The following PTPRH variants were observed in gnomAD, a reference collection of about 807,000 sequenced individuals.
The protein encoded by PTPRH is protein tyrosine phosphatase receptor type H.
A neutral mutation model predicts 130.2 loss-of-function variants in PTPRH; 113 were observed. The observed-to-expected ratio is 0.87, with a 90% CI of 0.75 to 1.01. The LOEUF (loss-of-function observed/expected upper bound fraction) is 1.01, where lower values mean the gene tolerates loss of function less well. PTPRH is among the 50% of genes least tolerant of loss of function. The probability of loss-of-function intolerance (pLI) is 0.00; values close to 1 mark genes in which losing one functional copy is unlikely to be tolerated. For synonymous variants in PTPRH, 556 were observed against 577.9 expected, an observed-to-expected ratio of 0.96 and a Z score of 0.54; for missense variants, 1,430 against 1,425.0, an observed-to-expected ratio of 1.00 and a Z score of -0.06.
In PTPRH at chr19:55,182,102, G is replaced by A. The variant is rs45510996; in HGVS notation, c.3112C>T (p.Arg1038Trp). The change falls in exon 19 of 20, where the codon CGG becomes TGG. Residue 1038 changes from arginine (R) to tryptophan (W), a missense_variant. Arg to Trp is a moderately radical substitution (Grantham distance 101, BLOSUM62 -3). Transcript: ENST00000376350. ...AGGAGACCCTCGGACTGCAGCTGCC[G>A]GAGCAGGACGTCCAGGGCAATGAGG... ...GTLIALDVLL[R>W]QLQSEGLLGP... 446 of 1,614,100 alleles carry A rather than the reference G, an allele frequency of 2.8e-4. 3 individuals are homozygous for A. The Middle Eastern group carries it at 3.3e-3, about 12-fold the overall frequency.
intron 10 of PTPRH, among the ~76,000 whole-genome samples, chr19:55,192,981 C>T (rs2086585648): frequency 1.3e-5 from 2 of 151,942 alleles, no homozygotes; most frequent in African/African-American, 4.8e-5. Context: ...GTAATCCCAA[C>T]ACTTTGGGAG....
chr19:55,196,516 G>C lies in PTPRH; in HGVS notation c.2257+6C>G. On this transcript the variant is annotated splice_donor_region_variant and intron_variant, in intron 10 of 19. Transcript: ENST00000376350. ...ATAGCTGGCTGGCCCGCGCGGCTCCGCTCACCTGCACTCTCGGTGTGGCAG... is the reference window on the plus strand; with the variant it reads ...ATAGCTGGCTGGCCCGCGCGGCTCCCCTCACCTGCACTCTCGGTGTGGCAG... 2 of 1,605,856 alleles carry C rather than the reference G, an allele frequency of 1.2e-6. No individual in the cohort carries two copies. Among genetic ancestry groups the C allele is most frequent in the Non-Finnish European group, 8.5e-7 (1 of 1,176,272 alleles).
chr19:55,191,838 G>T, intron 10 of PTPRH, 97 bp from the exon 11 acceptor site: 1 of 1,073,962 alleles, frequency 9.3e-7, no homozygotes, highest in Non-Finnish European at 1.4e-6. Context: ...CAGGAGCCTG[G>T]TCCAAAGACA....
At position 55,196,611 on chromosome 19, in the gene PTPRH, G is replaced by T. The variant is rs770794405; in HGVS notation, c.2168C>A (p.Pro723Gln). 44 of 1,613,654 alleles carry T rather than the reference G, an allele frequency of 2.7e-5. No homozygotes were observed. The South Asian group carries it at 4.8e-4, about 18-fold the overall frequency. ...GEAVSVLGLG[P>Q]ARSYPATITT... ...GATGGTGGCTGGGTAGGACCGAGCC[G>T]GCCCGAGACCCAACACAGACACAGC... The change falls in exon 10 of 20, where the codon CCG becomes CAG. Residue 723 changes from proline to glutamine, a missense_variant. Physicochemically the swap from Pro to Gln is moderately conservative, Grantham distance 76 (BLOSUM62 -1). Coordinates refer to ENST00000376350, the MANE Select transcript of PTPRH (RefSeq NM_002842.5).
chr19:55,190,510 T>C (rs1475249919), intron 12 of PTPRH, among the ~76,000 whole-genome samples: 1 of 141,646 alleles, frequency 7.1e-6, no homozygotes, highest in Non-Finnish European at 1.5e-5. Flanking sequence ...TTATATTATA[T>C]ATAATGTATA....
At chr19:55,196,240 T>G (rs1384968804) in intron 10 of PTPRH, among the ~76,000 whole-genome samples, 1 of 151,694 alleles carries the variant, frequency 6.6e-6, no homozygotes, top group African/African-American at 2.4e-5. Flanking sequence ...ATCCAAAAAT[T>G]AGCCGGGCGT....
intron 10 of PTPRH, among the ~76,000 whole-genome samples, chr19:55,194,860 A>G (rs2086639214): frequency 6.6e-6 from 1 of 152,170 alleles, no homozygotes; most frequent in Non-Finnish European, 1.5e-5. Context: ...GAACTACTCA[A>G]CTGACCCATC....
chr19:55,187,224 A>G (rs61464779), intron 14 of PTPRH, among the ~76,000 whole-genome samples: 36,958 of 143,412 alleles, frequency 0.26, 6,831 homozygotes, highest in African/African-American at 0.49. Context: ...GGGCACCTGT[A>G]GTCCCAGCTA....
chr19:55,193,500 A>G (rs1340205963), intron 10 of PTPRH, among the ~76,000 whole-genome samples: 1 of 152,200 alleles, frequency 6.6e-6, no homozygotes, highest in Non-Finnish European at 1.5e-5. Context: ...GTGGTTCTCA[A>G]CAAGGGTGAT....
At chr19:55,182,185 G>A in intron 18 of PTPRH, 34 bp from the exon 19 acceptor site, 1 of 1,606,432 alleles carries the variant, frequency 6.2e-7, no homozygotes, top group East Asian at 2.2e-5. Context: ...AGACCAAGGG[G>A]CAGGAGTGTG....
In PTPRH at chr19:55,203,949, G is replaced by T; in HGVS notation, c.719C>A (p.Thr240Asn). Residue 240 changes from threonine (T) to asparagine (N), a missense_variant, in exon 5 of 20, where the codon ACC (threonine) becomes AAC (asparagine). By Grantham distance (65) the Thr-to-Asn change is moderately conservative (BLOSUM62 0). Transcript: ENST00000376350. The part of the protein sequence containing the change: ...VPDGTDPQNS[T>N]YCVQCTGDGG... ...ATCTCCAGTGCACTGAACGCAGTAG[G>T]TCGAGTTCTGTGGGTCTGTGCCATC... is the stretch of plus-strand genomic sequence containing the variant. 1.2e-6 allele frequency: 2 copies of T among 1,614,170 alleles called. No individual in the cohort carries two copies. The highest frequency in any genetic ancestry group is 2.2e-5 in the South Asian group (2 of 91,088).
intron 8 of PTPRH, 75 bp downstream of exon 8, chr19:55,198,568 G>A: frequency 1.4e-6 from 2 of 1,435,608 alleles, no homozygotes; most frequent in Non-Finnish European, 1.8e-6. Context: ...ATCTCCCAAG[G>A]AGCTCCCAAA....
Position 55,185,527 on chromosome 19 carries a change from C to T in PTPRH, c.3037G>A (p.Gly1013Arg), listed in dbSNP as rs147426903. 138 of 1,614,002 alleles carry T rather than the reference C, an allele frequency of 8.6e-5. No homozygotes were observed. The highest frequency in any genetic ancestry group is 1.6e-4 in the Middle Eastern group (1 of 6,082). Reference protein sequence around the residue: ...LRQWLDQTMEGGPPIVHCSAG... With the variant: ...LRQWLDQTMERGPPIVHCSAG... ...CTGCAGTGCACAATGGGTGGGCCTC[C>T]CTCCATGGTCTGATCCAGCCACTGC... is the stretch of plus-strand genomic sequence containing the variant. The change falls in exon 18 of 20, where the codon GGA (glycine) becomes AGA (arginine). Residue 1013 changes from glycine to arginine, a missense_variant. By Grantham distance (125) the Gly-to-Arg change is moderately radical. Transcript: ENST00000376350.
rs747777299 is a variant in PTPRH, at chr19:55,203,981, C to T, written c.687G>A (p.Glu229=). 3.2e-5 allele frequency: 52 copies of T among 1,614,068 alleles called. No homozygotes were observed. The highest frequency in any genetic ancestry group is 1.6e-4 in the East Asian group (7 of 44,896). The change falls in exon 5 of 20, where the codon GAG becomes GAA. Residue 229 remains glutamate, a synonymous_variant. Transcript: ENST00000376350. ...TCTGTGGGTCTGTGCCATCGGGGAC[C>T]TCCCAGCTCAGGGAGATGGAGCTGG... is the stretch of plus-strand genomic sequence containing the variant. ...QTTSSISLSW[E]VPDGTDPQNS...
rs1331212162 is a variant in PTPRH, at chr19:55,191,692, C to T, written c.2307G>A (p.Val769=). ...TCTTCAGGAAGAAAATCAGCAGGCC[C>T]ACGAGGATGAGAAACAGGAGGATGC... is the stretch of plus-strand genomic sequence containing the variant. ...FVGILLFLIL[V]GLLIFFLKRR... is the part of the protein sequence containing the mutation. Residue 769 remains valine (V), a synonymous_variant, in exon 11 of 20, where the codon GTG becomes GTA. Transcript: ENST00000376350. The T allele has an allele frequency of 2.5e-6, 4 of 1,613,994 alleles. No homozygotes were observed. The highest frequency in any genetic ancestry group is 3.3e-4 in the Middle Eastern group (2 of 6,084).
At chr19:55,183,951 A>G (rs1285529756) in intron 18 of PTPRH, among the ~76,000 whole-genome samples, 2 of 152,000 alleles carry the variant, frequency 1.3e-5, no homozygotes, top group African/African-American at 2.4e-5. Context: ...GGATATGCAC[A>G]CTAATGGAAT....
chr19:55,203,540 C>T (rs1222783069), intron 5 of PTPRH, among the ~76,000 whole-genome samples: 12 of 151,598 alleles, frequency 7.9e-5, no homozygotes, highest in African/African-American at 2.7e-4. Flanking sequence ...CTCAGCCTCC[C>T]GAGTAGGTGG....
intron 2 of PTPRH, 73 bp downstream of exon 2, chr19:55,207,093 C>G (rs532630298): frequency 1.3e-6 from 2 of 1,592,852 alleles, no homozygotes; most frequent in South Asian, 2.2e-5. Flanking sequence ...CCCACGGGGA[C>G]CCCCCAGAGG....
chr19:55,206,416 C>T (rs1487882050), intron 3 of PTPRH, among the ~76,000 whole-genome samples: 5 of 151,480 alleles, frequency 3.3e-5, no homozygotes, highest in Non-Finnish European at 7.4e-5. Context: ...CTCTGCCTCC[C>T]GGGCTCAAGC....
Sources: allele counts gnomAD v4.1 joint callset (sites outside exome capture counted in the v4.1 genomes callset), GRCh38; gene constraint gnomAD v4.1.1; transcripts MANE v1.5; gene names NCBI Gene and HGNC (gene_info 2026-07-23, HGNC 2026-07-21).